The following KIAA1217 variants were observed in gnomAD, a reference collection of about 807,000 sequenced individuals.
KIAA1217 encodes the protein KIAA1217, also known as sickle tail protein homolog.
Under a neutral mutation model 163.9 loss-of-function variants are expected in KIAA1217, and 88 were observed. The ratio of observed to expected loss-of-function variants is 0.54; its 90% CI spans 0.45 to 0.64. The LOEUF (loss-of-function observed/expected upper bound fraction) is 0.64. Among genes scored for constraint, KIAA1217 ranks in the 30% least tolerant of loss-of-function variants. The pLI, the probability that KIAA1217 is intolerant of heterozygous loss-of-function variation, is 0.00. For synonymous variants in KIAA1217, 903 were observed against 923.1 expected (o/e 0.98, Z 0.39); for missense variants, 2,372 against 2,475.0 (o/e 0.96, Z 0.88).
At chr10:24,138,040 A>T (rs188194056) in intron 2 of KIAA1217, among the ~76,000 whole-genome samples, 10 of 152,392 alleles carry the variant, frequency 6.6e-5, no homozygotes, top group African/African-American at 1.7e-4. Context: ...GAAAAATGAA[A>T]GATAAACACT....
intron 2 of KIAA1217, among the ~76,000 whole-genome samples, chr10:24,015,374 G>A (rs1847427131): frequency 6.6e-6 from 1 of 152,088 alleles, no homozygotes; most frequent in East Asian, 1.9e-4. Context: ...CTCTTAAATA[G>A]TTTCTTCCAT....
chr10:23,805,909 A>G, intron 1 of KIAA1217, among the ~76,000 whole-genome samples: 1 of 138,744 alleles, frequency 7.2e-6, no homozygotes, highest in East Asian at 2.3e-4. Flanking sequence ...CCAGCTACTC[A>G]GGGGGCTGAG....
At chr10:24,077,311 C>G (rs2061399129) in intron 2 of KIAA1217, among the ~76,000 whole-genome samples, 1 of 152,166 alleles carries the variant, frequency 6.6e-6, no homozygotes, top group Admixed American at 6.6e-5. Flanking sequence ...CATACATTAG[C>G]TATTCTTCCT....
At chr10:24,517,532 A>C (rs1283997613) in intron 10 of KIAA1217, among the ~76,000 whole-genome samples, 1 of 152,214 alleles carries the variant, frequency 6.6e-6, no homozygotes, top group Non-Finnish European at 1.5e-5. Flanking sequence ...CTGGAATATC[A>C]GAACAGTGAT....
intron 2 of KIAA1217, among the ~76,000 whole-genome samples, chr10:24,132,582 G>A (rs1415993407): frequency 6.6e-6 from 1 of 151,350 alleles, no homozygotes; most frequent in African/African-American, 2.4e-5. Context: ...CTGTGCACCG[G>A]GATGTTAAAT....
Position 24,546,350 on chromosome 10 carries a change from C to A in KIAA1217, c.*26C>A. The A allele has an allele frequency of 6.5e-7, 1 of 1,546,766 alleles. No individual in the cohort carries two copies. The highest frequency in any genetic ancestry group is 1.2e-5 in the South Asian group (1 of 80,650). ...AGGTCAAATCCTATTAGGCACAAGT[C>A]GGAGTTACATTTAAAAAAAATTAAC... is the stretch of plus-strand genomic sequence containing the variant. On this transcript the variant is annotated 3_prime_UTR_variant, in exon 21 of 21. Transcript: ENST00000376454.
intron 1 of KIAA1217, among the ~76,000 whole-genome samples, chr10:23,801,414 G>A (rs956898658): frequency 4.6e-5 from 7 of 152,048 alleles, no homozygotes; most frequent in Non-Finnish European, 8.8e-5. Context: ...ACCATGGCAC[G>A]TGTATACCTA....
In KIAA1217 at chr10:24,387,417, G is replaced by A. The variant is rs186806352; in HGVS notation, c.553+6350G>A. Among the ~76,000 whole-genome samples the A allele has an allele frequency of 3.1e-3, 473 of 152,236 alleles. 2 individuals are homozygous for A. Among genetic ancestry groups the A allele is most frequent in the African/African-American group, 0.011 (442 of 41,560 alleles). ...TGGGACATATCTCAAAATAATAAGA[G>A]CTACTTATGACAAACCCACAGCCAA... On this transcript the variant is annotated intron_variant, in intron 3 of 20. Coordinates refer to ENST00000376454, the MANE Select transcript of KIAA1217 (RefSeq NM_019590.5).
chr10:24,017,465 C>G (rs1312393808), intron 2 of KIAA1217, among the ~76,000 whole-genome samples: 1 of 151,942 alleles, frequency 6.6e-6, no homozygotes, highest in Non-Finnish European at 1.5e-5. Flanking sequence ...CACACAGATG[C>G]CAACCTTAAT....
At position 24,547,759 on chromosome 10, in the gene KIAA1217, T is replaced by C. The variant is rs1328421210; in HGVS notation, c.*1435T>C. 5 of 152,196 alleles carry C rather than the reference T, an allele frequency of 3.3e-5. No homozygotes were observed. Among genetic ancestry groups the C allele is most frequent in the Non-Finnish European group, 7.3e-5 (5 of 68,036 alleles). The allele number at this position is 152,196 out of a possible 1,614,324, so 9.4% of individuals were successfully genotyped here. A position where few individuals can be genotyped will look rare whatever the true frequency, so the allele number is the denominator to read the frequency against. On this transcript the variant is annotated 3_prime_UTR_variant, in exon 21 of 21. Transcript: ENST00000376454. ...AAACCTGGATACAGAGTTTCCACCC[T>C]CAGTTCCTGGAGGGGCTCTTATTAT...
chr10:24,445,626 C>T (rs1223298385), intron 5 of KIAA1217, among the ~76,000 whole-genome samples: 6 of 146,828 alleles, frequency 4.1e-5, no homozygotes, highest in Admixed American at 7.0e-5. Flanking sequence ...TGAGAACATG[C>T]GGTCTTTGGT....
At chr10:23,962,601 T>TA (rs1199577755) in intron 1 of KIAA1217, among the ~76,000 whole-genome samples, 82 of 152,332 alleles carry the variant, frequency 5.4e-4, no homozygotes, top group African/African-American at 2.0e-3. Context: ...TGATTATTCT[T>TA]AGAAAACTAG....
chr10:23,923,596 G>A (rs988762051), intron 1 of KIAA1217, among the ~76,000 whole-genome samples: 1 of 151,992 alleles, frequency 6.6e-6, no homozygotes, highest in Non-Finnish European at 1.5e-5. Context: ...AAGCAGAGAT[G>A]GAGAGATGTG....
chr10:24,309,317 G>C (rs749789116), intron 2 of KIAA1217, among the ~76,000 whole-genome samples: 9 of 148,236 alleles, frequency 6.1e-5, no homozygotes, highest in Non-Finnish European at 1.2e-4. Context: ...TAGACCAGTA[G>C]ACCATGACAA....
intron 1 of KIAA1217, among the ~76,000 whole-genome samples, chr10:23,731,700 A>C (rs1405710961): frequency 6.6e-6 from 1 of 151,840 alleles, no homozygotes; most frequent in East Asian, 1.9e-4. Flanking sequence ...GAAAGCTTCG[A>C]GTTTCTCACC....
intron 1 of KIAA1217, among the ~76,000 whole-genome samples, chr10:23,830,479 G>A (rs34421264): frequency 6.6e-6 from 1 of 152,078 alleles, no homozygotes; most frequent in Non-Finnish European, 1.5e-5. Context: ...AAACAGTCTA[G>A]GGTTTTGCTT....
intron 3 of KIAA1217, among the ~76,000 whole-genome samples, chr10:24,418,622 A>G (rs73604476): frequency 0.076 from 11,515 of 152,294 alleles, 458 homozygotes; most frequent in Middle Eastern, 0.16. Context: ...GAAAAATTTT[A>G]GATTAACTCA....
chr10:23,719,639 T>C (rs914210990), intron 1 of KIAA1217, among the ~76,000 whole-genome samples: 1 of 150,830 alleles, frequency 6.6e-6, no homozygotes, highest in Non-Finnish European at 1.5e-5. Context: ...CATAAAAGGC[T>C]ATATCTATAT....
rs143172812 is a variant in KIAA1217 at position 24,278,038 on chromosome 10, G to A, written c.354+58129G>A. Among the ~76,000 whole-genome samples, 58 of 152,234 alleles carry A rather than the reference G, an allele frequency of 3.8e-4. No individual in the cohort carries two copies. The East Asian group carries it at 6.0e-3, about 16-fold the overall frequency. On this transcript the variant is annotated intron_variant, in intron 2 of 20. Coordinates refer to ENST00000376454, the MANE Select transcript of KIAA1217 (RefSeq NM_019590.5). ...GACGGACGCACAGTCTGTGCAGCTC[G>A]AGGACGCCGTCATGGGTGAGATGCT... is the stretch of plus-strand genomic sequence containing the variant.
Sources: gnomAD v4.1 joint callset for allele counts (sites outside exome capture counted in the v4.1 genomes callset) on GRCh38, gnomAD v4.1.1 for gene constraint, MANE v1.5 for transcripts, NCBI Gene and HGNC (gene_info 2026-07-23, HGNC 2026-07-21) for gene names.